Variants in WDR41 observed in about 807,000 individuals in gnomAD.
The protein encoded by WDR41 is WD repeat domain 41, also known as WD repeat-containing protein 41.
Under a neutral mutation model 69.3 loss-of-function variants are expected in WDR41, and 63 were observed. The observed-to-expected ratio is 0.91, with a 90% CI of 0.74 to 1.12. WDR41 has a LOEUF of 1.12. Ranked by LOEUF, WDR41 falls within the 50% of genes most tolerant of loss-of-function variation. The pLI, the probability that WDR41 is intolerant of heterozygous loss-of-function variation, is 0.00. For synonymous variants in WDR41, 185 were observed against 192.1 expected (o/e 0.96, Z 0.31); for missense variants, 543 against 534.5 (o/e 1.02, Z -0.16).
chr5:77,516,472 G>A (rs2112182493), intron 1 of WDR41, among the ~76,000 whole-genome samples: 1 of 152,274 alleles, frequency 6.6e-6, no homozygotes, highest in East Asian at 1.9e-4. Context: ...AGATTTAGCT[G>A]CAAGTTGTAG....
intron 1 of WDR41, among the ~76,000 whole-genome samples, chr5:77,619,921 T>C (rs1744745370): frequency 6.6e-6 from 1 of 152,048 alleles, no homozygotes. Context: ...GCCATCACTC[T>C]AGTAAAGATG....
intron 1 of WDR41, among the ~76,000 whole-genome samples, chr5:77,605,213 C>T (rs1744393563): frequency 6.6e-6 from 1 of 152,186 alleles, no homozygotes; most frequent in Non-Finnish European, 1.5e-5. Context: ...CTGACCTGGA[C>T]AGTTTTCTGC....
chr5:77,568,193 G>A (rs984533901), intron 1 of WDR41, among the ~76,000 whole-genome samples: 10 of 152,140 alleles, frequency 6.6e-5, no homozygotes, highest in African/African-American at 2.4e-4. Context: ...ATAATGAAAT[G>A]TACAAGATAG....
At position 77,550,268 on chromosome 5, in the gene WDR41, C is replaced by A. The variant is rs192680763; in HGVS notation, c.43-60696G>T. The stretch of plus-strand genomic sequence containing the variant: ...GTGATCTCATTAAACTAAATAGTTT[C>A]GGCACAGCAAAAAAAATGATCAACA... On this transcript the variant is annotated intron_variant, in intron 1 of 5. Coordinates refer to the WDR41 transcript ENST00000509971. Among the ~76,000 whole-genome samples the A allele has an allele frequency of 2.1e-3, 313 of 152,092 alleles. 2 individuals are homozygous for A. Among genetic ancestry groups the A allele is most frequent in the African/African-American group, 5.3e-3 (220 of 41,498 alleles).
At chr5:77,608,583 T>C (rs1328298555) in intron 1 of WDR41, among the ~76,000 whole-genome samples, 5 of 152,236 alleles carry the variant, frequency 3.3e-5, no homozygotes. Context: ...ATAGTGCATA[T>C]ACAGAACATT....
intron 12 of WDR41, among the ~76,000 whole-genome samples, chr5:77,434,975 C>T (rs928660942): frequency 1.3e-5 from 2 of 152,154 alleles, no homozygotes; most frequent in African/African-American, 4.8e-5. Context: ...GCCTTACATT[C>T]AAGGACATCC....
chr5:77,468,978 T>A (rs1016417910), intron 2 of WDR41, among the ~76,000 whole-genome samples: 10 of 152,104 alleles, frequency 6.6e-5, no homozygotes, highest in Admixed American at 1.3e-4. Flanking sequence ...AAAAAAGTTG[T>A]CTCTCTTCAA....
intron 1 of WDR41, among the ~76,000 whole-genome samples, chr5:77,602,391 C>T (rs201443946): frequency 3.9e-5 from 6 of 152,252 alleles, no homozygotes; most frequent in East Asian, 3.9e-4. Flanking sequence ...CCACCTGCCT[C>T]GGCCTCCCAA....
upstream of WDR41, among the ~76,000 whole-genome samples, chr5:77,494,852 T>A (rs561883680): frequency 1.3e-5 from 2 of 152,138 alleles, no homozygotes; most frequent in African/African-American, 2.4e-5. Flanking sequence ...GCATAAACAT[T>A]CATCTCAAGC....
At chr5:77,524,808 T>G (rs905700839) in intron 1 of WDR41, among the ~76,000 whole-genome samples, 3 of 152,056 alleles carry the variant, frequency 2.0e-5, no homozygotes, top group Admixed American at 2.0e-4. Context: ...GACCTAGGAG[T>G]TGAGGTGGAG....
Position 77,451,272 on chromosome 5 carries a change from GAAAA to G in WDR41, c.586+15_586+18del. ...AATTCTCGTTCAAAATACACAAAAAGAAAAAAATTCATACTCACTCAGTTCTTTG... is the reference window on the plus strand; with the variant it reads ...AATTCTCGTTCAAAATACACAAAAAGAAATTCATACTCACTCAGTTCTTTG... On this transcript the variant is annotated intron_variant, in intron 7 of 12. Transcript: ENST00000296679. 1.9e-6 allele frequency: 3 copies of G among 1,612,170 alleles called. No homozygotes were observed. Among genetic ancestry groups the G allele is most frequent in the Non-Finnish European group, 2.5e-6 (3 of 1,179,126 alleles).
At chr5:77,440,761 T>C (rs1799125743) in intron 9 of WDR41, 52 bp downstream of exon 9, 2 of 1,543,298 alleles carry the variant, frequency 1.3e-6, no homozygotes, top group South Asian at 1.2e-5. Context: ...AAATCAGAAA[T>C]TGGGTTATAT....
At chr5:77,496,379 A>G (rs1801934360), upstream of WDR41, among the ~76,000 whole-genome samples, 1 of 152,096 alleles carries the variant, frequency 6.6e-6, no homozygotes, top group Non-Finnish European at 1.5e-5. Context: ...AGAATCCACA[A>G]AAAAGGTATA....
At chr5:77,505,197 A>G (rs1300006459) in intron 1 of WDR41, among the ~76,000 whole-genome samples, 1 of 152,230 alleles carries the variant, frequency 6.6e-6, no homozygotes, top group Non-Finnish European at 1.5e-5. Context: ...TAAAAAATCA[A>G]TGTGCAAAGA....
intron 1 of WDR41, among the ~76,000 whole-genome samples, chr5:77,611,531 C>T (rs1229252084): frequency 1.1e-4 from 17 of 152,316 alleles, no homozygotes; most frequent in African/African-American, 4.1e-4. Flanking sequence ...TACATGGAAA[C>T]TGAACAACCT....
rs1050220122 is a variant in WDR41 at position 77,479,623 on chromosome 5, G to T, written c.167+9834C>A. Among the ~76,000 whole-genome samples the T allele has an allele frequency of 1.6e-3, 237 of 152,158 alleles. 3 individuals are homozygous for T. The highest frequency in any genetic ancestry group is 5.5e-3 in the African/African-American group (230 of 41,526). On this transcript the variant is annotated intron_variant, in intron 2 of 12. Coordinates refer to ENST00000296679, the MANE Select transcript of WDR41 (RefSeq NM_018268.4). Reference sequence around the variant, plus strand: ...GCTGGGAAAACTGGCTAGCCATATGGAGAAAGCTGAAACTGGATCCCTTCC... The same window carrying T: ...GCTGGGAAAACTGGCTAGCCATATGTAGAAAGCTGAAACTGGATCCCTTCC...
At chr5:77,492,016 C>T (rs2112132546) in intron 1 of WDR41, 154 bp downstream of exon 1, 1 of 976,600 alleles carries the variant, frequency 1.0e-6, no homozygotes, top group East Asian at 3.0e-5. Context: ...GCCCTCCGCC[C>T]CCACCGTCGT....
intron 1 of WDR41, among the ~76,000 whole-genome samples, chr5:77,588,981 T>C (rs975785168): frequency 6.6e-6 from 1 of 152,084 alleles, no homozygotes; most frequent in East Asian, 1.9e-4. Context: ...AATAGCAAAA[T>C]CATCAACAAG....
At chr5:77,508,443 G>T (rs1006945440) in intron 1 of WDR41, among the ~76,000 whole-genome samples, 1 of 152,122 alleles carries the variant, frequency 6.6e-6, no homozygotes, top group African/African-American at 2.4e-5. Context: ...GTTTTTGTTG[G>T]TATTCTTTAT....
Sources: allele counts gnomAD v4.1 joint callset (sites outside exome capture counted in the v4.1 genomes callset), GRCh38; gene constraint gnomAD v4.1.1; transcripts MANE v1.5; gene names NCBI Gene and HGNC (gene_info 2026-07-23, HGNC 2026-07-21).